Variants in PPP1R14A observed in about 807,000 individuals in gnomAD.
The protein encoded by PPP1R14A is protein phosphatase 1 regulatory subunit 14A.
PPP1R14A carries 9 observed loss-of-function variants against 14.1 expected under a neutral mutation model. That is an observed-to-expected ratio of 0.64 (90% CI 0.38 to 1.11). The LOEUF (loss-of-function observed/expected upper bound fraction) is 1.11. Ranked by LOEUF, PPP1R14A falls within the 50% of genes most tolerant of loss-of-function variation. PPP1R14A has a pLI of 0.01. For synonymous variants in PPP1R14A, 93 were observed against 88.7 expected, an observed-to-expected ratio of 1.05 and a Z score of -0.27; for missense variants, 208 against 200.7, an observed-to-expected ratio of 1.04 and a Z score of -0.22.
chr19:38,252,094 C>G lies in PPP1R14A; in HGVS notation c.315+212G>C. The G allele has an allele frequency of 1.7e-6, 1 of 598,610 alleles. No homozygotes were observed. The highest frequency in any genetic ancestry group is 2.8e-5 in the East Asian group (1 of 36,042). 37.1% of individuals were successfully genotyped at this position (598,610 alleles called of 1,614,324 possible). On this transcript the variant is annotated intron_variant, in intron 3 of 3. Transcript: ENST00000301242. This position sits in a 1 kb window ranked among gnomAD's most constrained non-coding sequence, Gnocchi z 4.1. ...GCAGATGGGGGAGGACAGAATGGAG[C>G]CCCCTCAGCAGATGGGGGAGAGAGG...
Position 38,256,246 on chromosome 19 carries a change from T to C in PPP1R14A, c.94A>G (p.Lys32Glu). The C allele has an allele frequency of 6.4e-7, 1 of 1,550,578 alleles. No individual in the cohort carries two copies. Among genetic ancestry groups the C allele is most frequent in the Non-Finnish European group, 8.7e-7 (1 of 1,153,018 alleles). ...TTGACGGTGACGCGCGCGTGCCGCTTCTGCAGCCCCCCGGGACTGCCCCCT... is the reference window on the plus strand; with the variant it reads ...TTGACGGTGACGCGCGCGTGCCGCTCCTGCAGCCCCCCGGGACTGCCCCCT... ...GPGGSPGGLQ[K>E]RHARVTVKYD... Residue 32 changes from lysine to glutamate, a missense_variant, in exon 1 of 4, where the codon AAG becomes GAG. By Grantham distance (56) the Lys-to-Glu change is moderately conservative (BLOSUM62 1). Coordinates refer to ENST00000301242, the MANE Select transcript of PPP1R14A (RefSeq NM_033256.3). This position sits in a 1 kb window ranked among gnomAD's most constrained non-coding sequence, Gnocchi z 5.7.
At position 38,256,010 on chromosome 19, in the gene PPP1R14A, C is replaced by T. The variant is rs1968243710; in HGVS notation, c.201+129G>A. 2 of 821,820 alleles carry T rather than the reference C, an allele frequency of 2.4e-6. No homozygotes were observed. Among genetic ancestry groups the T allele is most frequent in the Non-Finnish European group, 1.8e-6 (1 of 544,258 alleles). The allele number at this position is 821,820 out of a possible 1,614,324, so 50.9% of individuals were successfully genotyped here. A position where few individuals can be genotyped will look rare whatever the true frequency, so the allele number is the denominator to read the frequency against. On this transcript the variant is annotated intron_variant, in intron 1 of 3. Transcript: ENST00000301242. This position sits in a 1 kb window ranked among gnomAD's most constrained non-coding sequence, Gnocchi z 5.7. ...GGCCAATGAGTGCCCGGCCCTGGGG[C>T]GCTCGTCCTCTTGTGCAGACCAGGC...
Position 38,253,656 on chromosome 19 carries a change from C to T in PPP1R14A, c.202-682G>A, listed in dbSNP as rs149671310. 1.5e-3 allele frequency among the ~76,000 whole-genome samples: 227 copies of T among 152,324 alleles called. 1 individual carries two copies. The highest frequency in any genetic ancestry group is 5.3e-3 in the African/African-American group (221 of 41,588). On this transcript the variant is annotated intron_variant, in intron 1 of 3. Coordinates refer to ENST00000301242, the MANE Select transcript of PPP1R14A (RefSeq NM_033256.3). ...CTGCTGGGAATAGGACCCAGCTGTC[C>T]CCAGCTGTCGAGGGAGCAAGAGAGC... is the stretch of plus-strand genomic sequence containing the variant.
chr19:38,251,373 G>T lies in PPP1R14A; in HGVS notation c.389C>A (p.Ser130Tyr), dbSNP rs567665284. ...GAGGGGGCTGAGGCTGCCGTCGTGGGAGGGGCTTGGCTGGCGGAGGCCGGG... is the reference window on the plus strand; with the variant it reads ...GAGGGGGCTGAGGCTGCCGTCGTGGTAGGGGCTTGGCTGGCGGAGGCCGGG... ...RQPGLRQPSPSHDGSLSPLQD... is the reference protein window; with the variant it reads ...RQPGLRQPSPYHDGSLSPLQD... Residue 130 changes from serine to tyrosine, a missense_variant, in exon 4 of 4, where the codon TCC (serine) becomes TAC (tyrosine). Transcript: ENST00000301242. The T allele has an allele frequency of 2.6e-6, 4 of 1,559,832 alleles. No individual in the cohort carries two copies. In the African/African-American group the frequency reaches 4.2e-5, roughly 16 times the overall value.
intron 1 of PPP1R14A, among the ~76,000 whole-genome samples, chr19:38,254,601 G>A (rs939266699): frequency 6.6e-6 from 1 of 151,980 alleles, no homozygotes; most frequent in Non-Finnish European, 1.5e-5. Context: ...CACTGTGCTC[G>A]GCCAATGAGG....
At position 38,252,879 on chromosome 19, in the gene PPP1R14A, C is replaced by A; in HGVS notation, c.282+15G>T. Reference sequence around the variant, plus strand: ...GTGCAAAGTGGGAGGCTGGGGGACACGTCCCCCCACCTACCTGGATTTTCC... The same window carrying A: ...GTGCAAAGTGGGAGGCTGGGGGACAAGTCCCCCCACCTACCTGGATTTTCC... On this transcript the variant is annotated intron_variant, in intron 2 of 3. Transcript: ENST00000301242. This position sits in a 1 kb window ranked among gnomAD's most constrained non-coding sequence, Gnocchi z 4.1. 6.3e-7 allele frequency: 1 copy of A among 1,577,284 alleles called. No individual in the cohort carries two copies. The highest frequency in any genetic ancestry group is 2.2e-5 in the East Asian group (1 of 44,688).
chr19:38,251,487 G>A (rs751365674), intron 3 of PPP1R14A, 41 bp from the exon 4 acceptor site: 262 of 1,515,276 alleles, frequency 1.7e-4, no homozygotes, highest in Non-Finnish European at 2.2e-4. Context: ...GGAACAGTGC[G>A]GGGGCACCCT....
Position 38,252,434 on chromosome 19 carries a change from A to T in PPP1R14A, c.283-96T>A. 7.9e-7 allele frequency: 1 copy of T among 1,268,578 alleles called. No individual in the cohort carries two copies. Among genetic ancestry groups the T allele is most frequent in the Non-Finnish European group, 1.1e-6 (1 of 890,096 alleles). The allele number at this position is 1,268,578 out of a possible 1,614,324, so 78.6% of individuals were successfully genotyped here. ...TTTCCCAAAAGGCCCCAGCAGCAAG[A>T]CAAATGGAAGTCAGACTCCAGGGTG... On this transcript the variant is annotated intron_variant, in intron 2 of 3. Coordinates refer to ENST00000301242, the MANE Select transcript of PPP1R14A (RefSeq NM_033256.3). This position sits in a 1 kb window ranked among gnomAD's most constrained non-coding sequence, Gnocchi z 4.1.
chr19:38,253,107 GA>G (rs1968208948), intron 1 of PPP1R14A, 133 bp from the exon 2 acceptor site: 1 of 685,500 alleles, frequency 1.5e-6, no homozygotes, highest in Non-Finnish European at 2.6e-6. Context: ...GGCAGTCCGG[GA>G]CAGCACTGCC....
rs768200118 is a variant in PPP1R14A at position 38,256,248 on chromosome 19, T to C, written c.92A>G (p.Gln31Arg). 1.7e-5 allele frequency: 26 copies of C among 1,550,112 alleles called. No individual in the cohort carries two copies. Among genetic ancestry groups the C allele is most frequent in the Non-Finnish European group, 2.2e-5 (25 of 1,152,956 alleles). The stretch of plus-strand genomic sequence containing the variant: ...GACGGTGACGCGCGCGTGCCGCTTC[T>C]GCAGCCCCCCGGGACTGCCCCCTGG... ...RGPGGSPGGL[Q>R]KRHARVTVKY... is the part of the protein sequence containing the mutation. Residue 31 changes from glutamine (Q) to arginine (R), a missense_variant, in exon 1 of 4, where the codon CAG (glutamine) becomes CGG (arginine). By Grantham distance (43) the Gln-to-Arg change is conservative. Coordinates refer to ENST00000301242, the MANE Select transcript of PPP1R14A (RefSeq NM_033256.3). This position sits in a 1 kb window ranked among gnomAD's most constrained non-coding sequence, Gnocchi z 5.7.
rs772430830 is a variant in PPP1R14A, at chr19:38,252,904, C to T, written c.272G>A (p.Arg91Gln). 3.8e-5 allele frequency: 61 copies of T among 1,613,448 alleles called. No homozygotes were observed. The highest frequency in any genetic ancestry group is 5.3e-5 in the African/African-American group (4 of 74,876). ...CGTCCCCCCACCTACCTGGATTTTCCGGCTTCTCTCCTCTTCACTCTCTAA... is the reference window on the plus strand; with the variant it reads ...CGTCCCCCCACCTACCTGGATTTTCTGGCTTCTCTCCTCTTCACTCTCTAA... The part of the protein sequence containing the change: ...LELESEEERS[R>Q]KIQGLLKSCG... The change falls in exon 2 of 4, where the codon CGG (arginine) becomes CAG (glutamine). Residue 91 changes from arginine (R) to glutamine (Q), a missense_variant. Arg to Gln is a conservative substitution (Grantham distance 43). Transcript: ENST00000301242. This position sits in a 1 kb window ranked among gnomAD's most constrained non-coding sequence, Gnocchi z 4.1.
chr19:38,253,310 A>G (rs1286245443), intron 1 of PPP1R14A: 3 of 240,130 alleles, frequency 1.2e-5, no homozygotes, highest in Non-Finnish European at 2.4e-5. Context: ...AGATTCTGGG[A>G]TTCGGGAGAG....
Position 38,252,889 on chromosome 19 carries a change from C to T in PPP1R14A, c.282+5G>A. ...GGAGGCTGGGGGACACGTCCCCCCA[C>T]CTACCTGGATTTTCCGGCTTCTCTC... is the stretch of plus-strand genomic sequence containing the variant. On this transcript the variant is annotated splice_donor_5th_base_variant and intron_variant, in intron 2 of 3. Coordinates refer to ENST00000301242, the MANE Select transcript of PPP1R14A (RefSeq NM_033256.3). The surrounding 1 kb of genome is among the most constrained non-coding windows in gnomAD (Gnocchi z 4.1). 6.2e-7 allele frequency: 1 copy of T among 1,610,660 alleles called. No individual in the cohort carries two copies. Among genetic ancestry groups the T allele is most frequent in the African/African-American group, 1.3e-5 (1 of 74,944 alleles).
chr19:38,254,908 C>G (rs373586032), intron 1 of PPP1R14A, among the ~76,000 whole-genome samples: 2 of 152,036 alleles, frequency 1.3e-5, no homozygotes, highest in African/African-American at 2.4e-5. Flanking sequence ...ATTCTCCTCC[C>G]GAGTAGCTGG....
At position 38,251,336 on chromosome 19, in the gene PPP1R14A, G is replaced by C; in HGVS notation, c.426C>G (p.Ala142=). 2 of 1,525,630 alleles carry C rather than the reference G, an allele frequency of 1.3e-6. No individual in the cohort carries two copies. Among genetic ancestry groups the C allele is most frequent in the Non-Finnish European group, 1.7e-6 (2 of 1,148,944 alleles). The allele number at this position is 1,525,630 out of a possible 1,614,324, so 94.5% of individuals were successfully genotyped here. The change falls in exon 4 of 4, where the codon GCC becomes GCG. Residue 142 remains alanine (A), a synonymous_variant. Transcript: ENST00000301242. Reference sequence around the variant, plus strand: ...AAGAGGGTCAGGGGTGAGCAGTCCGGGCCCGGTCCTGGAGGGGGCTGAGGC... The same window carrying C: ...AAGAGGGTCAGGGGTGAGCAGTCCGCGCCCGGTCCTGGAGGGGGCTGAGGC... ...DGSLSPLQDR[A]RTAHP
Position 38,252,388 on chromosome 19 carries a change from A to T in PPP1R14A, c.283-50T>A. 1 of 1,574,956 alleles carries T rather than the reference A, an allele frequency of 6.3e-7. No homozygotes were observed. The highest frequency in any genetic ancestry group is 1.7e-5 in the Admixed American group (1 of 57,994). Reference sequence around the variant, plus strand: ...ACAAAACAGTAAATGACTAACACCTACTCCCCTCCAGCCCCTTCCCTTTCC... The same window carrying T: ...ACAAAACAGTAAATGACTAACACCTTCTCCCCTCCAGCCCCTTCCCTTTCC... On this transcript the variant is annotated intron_variant, in intron 2 of 3. Transcript: ENST00000301242. The surrounding 1 kb of genome is among the most constrained non-coding windows in gnomAD (Gnocchi z 4.1).
Position 38,251,394 on chromosome 19 carries a change from C to A in PPP1R14A, c.368G>T (p.Gly123Val). Residue 123 changes from glycine to valine, a missense_variant, in exon 4 of 4, where the codon GGC (glycine) becomes GTC (valine). Gly to Val is a moderately radical substitution (Grantham distance 109). Transcript: ENST00000301242. Reference sequence around the variant, plus strand: ...GTGGGAGGGGCTTGGCTGGCGGAGGCCGGGCTGCCTGTGGAGGCCTTGAAG... The same window carrying A: ...GTGGGAGGGGCTTGGCTGGCGGAGGACGGGCTGCCTGTGGAGGCCTTGAAG... ...AKLQGLHRQP[G>V]LRQPSPSHDG... The A allele has an allele frequency of 6.4e-7, 1 of 1,560,744 alleles. No individual in the cohort carries two copies.
Position 38,252,331 on chromosome 19 carries a change from A to G in PPP1R14A, c.290T>C (p.Leu97Pro), listed in dbSNP as rs1366750818. 6.2e-7 allele frequency: 1 copy of G among 1,612,700 alleles called. No individual in the cohort carries two copies. Among genetic ancestry groups the G allele is most frequent in the Non-Finnish European group, 8.5e-7 (1 of 1,179,446 alleles). Residue 97 changes from leucine (L) to proline (P), a missense_variant, in exon 3 of 4, where the codon CTG becomes CCG. Physicochemically the swap from Leu to Pro is moderately conservative, Grantham distance 98. Coordinates refer to ENST00000301242, the MANE Select transcript of PPP1R14A (RefSeq NM_033256.3). The surrounding 1 kb of genome is among the most constrained non-coding windows in gnomAD (Gnocchi z 4.1). ...EERSRKIQGL[L>P]KSCGKPVEDF... ...CTCGACAGGTTTCCCACATGACTTC[A>G]GGAGTCCCTAAAACCCCCAACCAAG...
chr19:38,253,699 T>C (rs1307556663), intron 1 of PPP1R14A, among the ~76,000 whole-genome samples: 1 of 152,196 alleles, frequency 6.6e-6, no homozygotes, highest in Non-Finnish European at 1.5e-5. Flanking sequence ...TTATGAATCC[T>C]TTCCTCCCCA....
Sources: gnomAD v4.1 joint callset for allele counts (sites outside exome capture counted in the v4.1 genomes callset) on GRCh38, gnomAD v4.1.1 for gene constraint, Gnocchi (gnomAD v3.1) non-coding constraint, MANE v1.5 for transcripts, NCBI Gene and HGNC (gene_info 2026-07-23, HGNC 2026-07-21) for gene names.